The following COL26A1 variants were observed in gnomAD, a reference collection of about 807,000 sequenced individuals.
COL26A1 encodes collagen alpha-1(XXVI) chain.
A neutral mutation model predicts 59.3 loss-of-function variants in COL26A1; 41 were observed. That is an observed-to-expected ratio of 0.69 (90% CI 0.54 to 0.90). The LOEUF is 0.90. Ranked by LOEUF, COL26A1 falls within the 40% of genes least tolerant of loss-of-function variation. The probability of loss-of-function intolerance (pLI) is 0.00; values close to 1 mark genes in which losing one functional copy is unlikely to be tolerated. For synonymous variants in COL26A1, 266 were observed against 256.0 expected (o/e 1.04, Z -0.37); for missense variants, 612 against 602.3 (o/e 1.02, Z -0.17).
At chr7:101,470,599 G>A (rs1053383905) in intron 3 of COL26A1, among the ~76,000 whole-genome samples, 1 of 151,868 alleles carries the variant, frequency 6.6e-6, no homozygotes, top group African/African-American at 2.4e-5. Flanking sequence ...TCTATCTCCT[G>A]TATCACATAG....
At chr7:101,553,929 T>C (rs1339694464) in intron 11 of COL26A1, among the ~76,000 whole-genome samples, 2 of 150,896 alleles carry the variant, frequency 1.3e-5, no homozygotes, top group Admixed American at 1.3e-4. Context: ...GGCTTGGCTG[T>C]GGGGACCTGC....
chr7:101,444,791 A>G (rs1428079991), intron 2 of COL26A1, among the ~76,000 whole-genome samples: 1 of 151,716 alleles, frequency 6.6e-6, no homozygotes, highest in Non-Finnish European at 1.5e-5. Flanking sequence ...ACACTTGGAG[A>G]GTTGTACAAT....
At chr7:101,437,900 T>C (rs1289461927) in intron 2 of COL26A1, among the ~76,000 whole-genome samples, 1 of 151,820 alleles carries the variant, frequency 6.6e-6, no homozygotes, top group African/African-American at 2.4e-5. Context: ...TTGGTAGAAA[T>C]GGGGGTCTTG....
chr7:101,426,614 C>T (rs1028023787), intron 2 of COL26A1, among the ~76,000 whole-genome samples: 1 of 152,168 alleles, frequency 6.6e-6, no homozygotes, highest in African/African-American at 2.4e-5. Flanking sequence ...CTGGATGTCT[C>T]ATTGGTCAAC....
chr7:101,385,552 G>T (rs1263884107), intron 1 of COL26A1, among the ~76,000 whole-genome samples: 1 of 151,678 alleles, frequency 6.6e-6, no homozygotes, highest in Non-Finnish European at 1.5e-5. Context: ...TGTATTTTTA[G>T]TAGAGATGGG....
chr7:101,465,752 G>A (rs1403808574), intron 3 of COL26A1, among the ~76,000 whole-genome samples: 2 of 151,610 alleles, frequency 1.3e-5, no homozygotes, highest in Admixed American at 6.6e-5. Flanking sequence ...TCGGCCTGGC[G>A]TGGCAGTGAT....
At chr7:101,517,000 C>T (rs1008226604) in intron 3 of COL26A1, among the ~76,000 whole-genome samples, 3 of 152,094 alleles carry the variant, frequency 2.0e-5, no homozygotes, top group African/African-American at 7.2e-5. Flanking sequence ...GGGGCCTTGT[C>T]GAGTGCTCCT....
Position 101,374,679 on chromosome 7 carries a change from C to T in COL26A1, c.158+11489C>T, listed in dbSNP as rs142286414. ...ATGGGACCGTCTAGTTGCAGGAAAACAAGCTCAGGGCTCCCATTGATTCTA... is the reference window on the plus strand; with the variant it reads ...ATGGGACCGTCTAGTTGCAGGAAAATAAGCTCAGGGCTCCCATTGATTCTA... On this transcript the variant is annotated intron_variant, in intron 1 of 12. Transcript: ENST00000313669. Among the ~76,000 whole-genome samples the T allele has an allele frequency of 9.5e-4, 144 of 152,314 alleles. 2 individuals are homozygous for T. The East Asian group carries it at 0.017, about 18-fold the overall frequency.
Position 101,405,204 on chromosome 7 carries a change from C to T in COL26A1, c.159-14773C>T, listed in dbSNP as rs374150831. 1.7e-4 allele frequency among the ~76,000 whole-genome samples: 25 copies of T among 151,326 alleles called. No individual in the cohort carries two copies. The East Asian group carries it at 1.8e-3, about 11-fold the overall frequency. On this transcript the variant is annotated intron_variant, in intron 1 of 12. Transcript: ENST00000313669. ...CGCCACTGCACTCCAGCCTGGGTGA[C>T]GGAACAGAGCGAGACTCCGTCTCTA...
At position 101,549,183 on chromosome 7, in the gene COL26A1, C is replaced by G; in HGVS notation, c.953C>G (p.Pro318Arg). 6.2e-7 allele frequency: 1 copy of G among 1,602,886 alleles called. No individual in the cohort carries two copies. Among genetic ancestry groups the G allele is most frequent in the Non-Finnish European group, 8.5e-7 (1 of 1,174,716 alleles). The change falls in exon 9 of 13, where the codon CCT (proline) becomes CGT (arginine). Residue 318 changes from proline to arginine, a missense_variant. By Grantham distance (103) the Pro-to-Arg change is moderately radical. Transcript: ENST00000313669. Reference sequence around the variant, plus strand: ...ACTCTGCCCACAGGTCCCCCTGGGCCTCGAGGTCCCCCAGGACCCCCAGGA... The same window carrying G: ...ACTCTGCCCACAGGTCCCCCTGGGCGTCGAGGTCCCCCAGGACCCCCAGGA... The part of the protein sequence containing the change: ...GPPGPPGPPG[P>R]RGPPGPPGTP...
chr7:101,416,323 T>C (rs1054351942), intron 1 of COL26A1, among the ~76,000 whole-genome samples: 3 of 142,800 alleles, frequency 2.1e-5, no homozygotes, highest in Non-Finnish European at 4.8e-5. Context: ...GCCCAGGAGG[T>C]TGAGGCTGTG....
chr7:101,405,207 A>C (rs1195506681), intron 1 of COL26A1, among the ~76,000 whole-genome samples: 1 of 152,134 alleles, frequency 6.6e-6, no homozygotes, highest in African/African-American at 2.4e-5. Context: ...TGGGTGACGG[A>C]ACAGAGCGAG....
intron 3 of COL26A1, among the ~76,000 whole-genome samples, chr7:101,518,864 A>G (rs781208415): frequency 1.2e-4 from 18 of 152,240 alleles, no homozygotes; most frequent in Admixed American, 3.3e-4. Flanking sequence ...CACCGAGCAC[A>G]TTGTAACCCA....
intron 3 of COL26A1, among the ~76,000 whole-genome samples, chr7:101,491,011 A>G (rs1433916273): frequency 6.8e-6 from 1 of 146,038 alleles, no homozygotes; most frequent in African/African-American, 2.6e-5. Flanking sequence ...TTAGCTGGGC[A>G]TAGTGGCACA....
In COL26A1 at chr7:101,419,986, C is replaced by T; in HGVS notation, c.168C>T (p.Cys56=). ...GSGYASRRHW[C]HHTVTRTVSC... is the part of the protein sequence containing the mutation. ...GTTGCTCTCTCCACAGGCACTGGTG[C>T]CATCACACAGTGACACGGACGGTGT... The change falls in exon 2 of 13, where the codon TGC becomes TGT. Residue 56 remains cysteine (C), a synonymous_variant. Coordinates refer to ENST00000313669, the MANE Select transcript of COL26A1 (RefSeq NM_001278563.3). 1 of 1,613,612 alleles carries T rather than the reference C, an allele frequency of 6.2e-7. No homozygotes were observed. The highest frequency in any genetic ancestry group is 8.5e-7 in the Non-Finnish European group (1 of 1,179,848).
intron 8 of COL26A1, among the ~76,000 whole-genome samples, 184 bp downstream of exon 8, chr7:101,547,423 T>G (rs1370677618): frequency 6.6e-6 from 1 of 152,180 alleles, no homozygotes; most frequent in Non-Finnish European, 1.5e-5. Flanking sequence ...CTAGTGGCAG[T>G]GCCCCTGGGG....
chr7:101,500,713 T>C (rs35625019), intron 3 of COL26A1, among the ~76,000 whole-genome samples: 17,298 of 151,580 alleles, frequency 0.11, 1,022 homozygotes, highest in African/African-American at 0.15. Context: ...CCCAGCTACT[T>C]GGGAGGCTGA....
rs534600728 is a variant in COL26A1 at position 101,370,456 on chromosome 7, C to T, written c.158+7266C>T. Among the ~76,000 whole-genome samples the T allele has an allele frequency of 1.1e-4, 16 of 152,098 alleles. No homozygotes were observed. In the East Asian group the frequency reaches 1.4e-3, roughly 13 times the overall value. ...CACGATCTTAGCTCACTGCAACCTC[C>T]GCTTCCCAGGTTGAAGCGATTCTCC... On this transcript the variant is annotated intron_variant, in intron 1 of 12. Transcript: ENST00000313669.
At chr7:101,500,834 AT>A (rs1484646888) in intron 3 of COL26A1, among the ~76,000 whole-genome samples, 3 of 151,942 alleles carry the variant, frequency 2.0e-5, no homozygotes, top group Non-Finnish European at 2.9e-5. Flanking sequence ...AAATAAAAAA[AT>A]AAATAAATAG....
Sources: allele counts gnomAD v4.1 joint callset (sites outside exome capture counted in the v4.1 genomes callset), GRCh38; gene constraint gnomAD v4.1.1; transcripts MANE v1.5; gene names NCBI Gene and HGNC (gene_info 2026-07-23, HGNC 2026-07-21).